The following MYT1L variants were observed in gnomAD, a reference collection of about 807,000 sequenced individuals.
MYT1L encodes the protein myelin transcription factor 1 like.
A neutral mutation model predicts 126.7 loss-of-function variants in MYT1L; 12 were observed. The observed-to-expected ratio is 0.09, with a 90% CI of 0.06 to 0.15. MYT1L has a LOEUF of 0.15. Among genes scored for constraint, MYT1L ranks in the 10% least tolerant of loss-of-function variants. The pLI, the probability that MYT1L is intolerant of heterozygous loss-of-function variation, is 1.00. For missense variants in MYT1L, 979 were observed against 1,585.2 expected, an observed-to-expected ratio of 0.62 and a Z score of 6.49; for synonymous variants, 541 against 604.2, an observed-to-expected ratio of 0.90 and a Z score of 1.53.
rs1475227407 is a variant in MYT1L, at chr2:2,019,486, G to A, written c.-157-22139C>T. On this transcript the variant is annotated intron_variant, in intron 4 of 24. Transcript: ENST00000647738. ...ACAATGCCCAAGGCCACTCAGACAAGAGAACAGATTTGGTATCCAAGCCCA... is the reference window on the plus strand; with the variant it reads ...ACAATGCCCAAGGCCACTCAGACAAAAGAACAGATTTGGTATCCAAGCCCA... Among the ~76,000 whole-genome samples the A allele has an allele frequency of 4.6e-5, 7 of 152,264 alleles. No individual in the cohort carries two copies. The East Asian group carries it at 7.7e-4, about 17-fold the overall frequency.
rs534366532 is a variant in MYT1L at position 2,224,429 on chromosome 2, T to C, written c.-420-51441A>G. 2.0e-4 allele frequency among the ~76,000 whole-genome samples: 30 copies of C among 152,296 alleles called. No individual in the cohort carries two copies. The highest frequency in any genetic ancestry group is 6.8e-3 in the Middle Eastern group (2 of 294). On this transcript the variant is annotated intron_variant, in intron 2 of 24. Coordinates refer to ENST00000647738, the MANE Select transcript of MYT1L (RefSeq NM_001303052.2). The surrounding 1 kb of genome is among the most constrained non-coding windows in gnomAD (Gnocchi z 4.0). ...TGGCGAGGTGACAGCCATGCTGCTC[T>C]TTCTAATTGCAAACGTTTGCCAGTG... is the stretch of plus-strand genomic sequence containing the variant.
chr2:1,922,841 G>A lies in MYT1L; in HGVS notation c.928C>T (p.Leu310Phe). Residue 310 changes from leucine (L) to phenylalanine (F), a missense_variant, in exon 10 of 25, where the codon CTC becomes TTC. By Grantham distance (22) the Leu-to-Phe change is conservative (BLOSUM62 0). This residue lies in a region of MYT1L where 243 missense variants were observed against 363.9 expected (regional missense o/e 0.67). Transcript: ENST00000647738. This position sits in a 1 kb window ranked among gnomAD's most constrained non-coding sequence, Gnocchi z 7.4. ...VMLGKPMNNG[L>F]MEKMVEESDE... ...CTCTCCTCCACCATCTTTTCCATGAGTCCGTTGTTCATGGGCTTCCCCAAC... is the reference window on the plus strand; with the variant it reads ...CTCTCCTCCACCATCTTTTCCATGAATCCGTTGTTCATGGGCTTCCCCAAC... 1 of 1,613,948 alleles carries A rather than the reference G, an allele frequency of 6.2e-7. No individual in the cohort carries two copies.
intron 4 of MYT1L, among the ~76,000 whole-genome samples, chr2:2,027,418 C>T (rs567909965): frequency 1.0e-3 from 156 of 152,288 alleles, no homozygotes; most frequent in South Asian, 4.6e-3. Context: ...AAGGGAGATT[C>T]GGTTGGCGAA....
rs994692630 is a variant in MYT1L, at chr2:2,284,806, C to T, written c.-520-303G>A. The stretch of plus-strand genomic sequence containing the variant: ...CTGGAGCCTGTCTCCTGGGTTCAAG[C>T]GATTCTCCTGCCTCAGCCTCCCAAG... On this transcript the variant is annotated intron_variant, in intron 1 of 24. Transcript: ENST00000647738. Among the ~76,000 whole-genome samples the T allele has an allele frequency of 5.9e-5, 9 of 151,950 alleles. No individual in the cohort carries two copies. In the South Asian group the frequency reaches 6.2e-4, roughly 10 times the overall value.
At chr2:1,997,445 C>CACACACAAATAAAAA (rs2061968804) in intron 4 of MYT1L, 98 bp from the exon 5 acceptor site, 1 of 152,568 alleles carries the variant, frequency 6.6e-6, no homozygotes, top group Non-Finnish European at 1.5e-5. Context: ...CGTCAACATG[C>CACACACAAATAAAAA]ACACAGCAGC....
chr2:1,978,503 A>G (rs2060349161), intron 8 of MYT1L, among the ~76,000 whole-genome samples: 1 of 152,228 alleles, frequency 6.6e-6, no homozygotes, highest in Non-Finnish European at 1.5e-5. Context: ...CATGTAACAT[A>G]TAATTCTGCC....
chr2:2,243,719 G>A (rs1202124055), intron 2 of MYT1L, among the ~76,000 whole-genome samples: 7 of 152,210 alleles, frequency 4.6e-5, no homozygotes, highest in Non-Finnish European at 7.3e-5. Flanking sequence ...GAATCCAAAT[G>A]AGTGTCTGTC....
chr2:2,046,199 T>C (rs1432156832), intron 4 of MYT1L, among the ~76,000 whole-genome samples: 1 of 152,244 alleles, frequency 6.6e-6, no homozygotes, highest in East Asian at 1.9e-4. Context: ...TCCTGTGGTC[T>C]TCCTCTGAAG....
intron 3 of MYT1L, among the ~76,000 whole-genome samples, chr2:2,154,512 G>A (rs1575529552): frequency 6.6e-6 from 1 of 152,192 alleles, no homozygotes; most frequent in Non-Finnish European, 1.5e-5. Flanking sequence ...AAAAGAATGA[G>A]ATCACGTTCT....
At position 2,032,553 on chromosome 2, in the gene MYT1L, C is replaced by T. The variant is rs190242992; in HGVS notation, c.-158+21425G>A. Among the ~76,000 whole-genome samples the T allele has an allele frequency of 2.2e-3, 321 of 148,228 alleles. 7 individuals carry two copies. The highest frequency in any genetic ancestry group is 2.7e-4 in the Non-Finnish European group (18 of 67,166). ...AGGAGGGCCTTACACACATCCCTCC[C>T]CAGTGCCTCTCATCCTGCGGCCCAG... On this transcript the variant is annotated intron_variant, in intron 4 of 24. Coordinates refer to ENST00000647738, the MANE Select transcript of MYT1L (RefSeq NM_001303052.2).
At chr2:2,123,467 AGGC>A (rs1419813062) in intron 3 of MYT1L, among the ~76,000 whole-genome samples, 2 of 152,146 alleles carry the variant, frequency 1.3e-5, no homozygotes, top group African/African-American at 4.8e-5. Context: ...GCCTGCTGGG[AGGC>A]AATTGGATCA....
chr2:2,072,644 A>G lies in MYT1L; in HGVS notation c.-303-18521T>C, dbSNP rs2074739024. On this transcript the variant is annotated intron_variant, in intron 3 of 24. Coordinates refer to ENST00000647738, the MANE Select transcript of MYT1L (RefSeq NM_001303052.2). ...CGCGCAAATCCGATCTCCAATTGTA[A>G]TCCCCAGGAGTTGAGGGAGGAACCT... 3.3e-5 allele frequency among the ~76,000 whole-genome samples: 5 copies of G among 152,298 alleles called. No homozygotes were observed. The South Asian group carries it at 1.0e-3, about 32-fold the overall frequency.
intron 2 of MYT1L, among the ~76,000 whole-genome samples, chr2:2,282,270 A>G (rs906894080): frequency 2.6e-5 from 4 of 152,258 alleles, no homozygotes; most frequent in African/African-American, 4.8e-5. Context: ...GATTTAATAT[A>G]TGAACAAAAG....
At chr2:2,117,426 C>T (rs956115330) in intron 3 of MYT1L, among the ~76,000 whole-genome samples, 11 of 152,086 alleles carry the variant, frequency 7.2e-5, no homozygotes, top group East Asian at 1.9e-4. Context: ...GCAGAATCAC[C>T]GGGACTTCAG....
intron 12 of MYT1L, 68 bp downstream of exon 12, chr2:1,911,952 C>T: frequency 7.8e-7 from 1 of 1,283,424 alleles, no homozygotes; most frequent in Non-Finnish European, 1.1e-6. Flanking sequence ...GGTAGGCCCC[C>T]CAGGAAGGAG....
intron 9 of MYT1L, among the ~76,000 whole-genome samples, chr2:1,937,977 G>A (rs2056204161): frequency 6.6e-6 from 1 of 152,186 alleles, no homozygotes; most frequent in Non-Finnish European, 1.5e-5. Context: ...TGATCAAGTG[G>A]CAAGGCAGCC....
intron 21 of MYT1L, among the ~76,000 whole-genome samples, chr2:1,824,051 T>C (rs1248350578): frequency 1.3e-5 from 2 of 152,140 alleles, no homozygotes; most frequent in African/African-American, 2.4e-5. Flanking sequence ...TCAGTGACTT[T>C]TTAGGGAACG....
chr2:1,844,201 G>A (rs1311337914), intron 19 of MYT1L, among the ~76,000 whole-genome samples: 1 of 152,160 alleles, frequency 6.6e-6, no homozygotes, highest in East Asian at 1.9e-4. Context: ...AGCACAGCAG[G>A]ACCTAGCTTC....
chr2:2,177,149 C>T (rs550462104), intron 2 of MYT1L, among the ~76,000 whole-genome samples: 2 of 152,174 alleles, frequency 1.3e-5, no homozygotes, highest in East Asian at 1.9e-4. Context: ...CACAGGTTTG[C>T]GTGGATGTAA....
Sources: gnomAD v4.1 joint callset for allele counts (sites outside exome capture counted in the v4.1 genomes callset) on GRCh38, gnomAD v4.1.1 for gene constraint, gnomAD v4.1.1 regional missense constraint, Gnocchi (gnomAD v3.1) non-coding constraint, MANE v1.5 for transcripts, NCBI Gene and HGNC (gene_info 2026-07-23, HGNC 2026-07-21) for gene names.